Variants in MIER1 observed in about 807,000 individuals in gnomAD.
MIER1 encodes the protein mesoderm induction early response protein 1.
In MIER1, 40 loss-of-function variants were observed where a neutral mutation model predicts 75.7. The ratio of observed to expected loss-of-function variants is 0.53; its 90% CI spans 0.41 to 0.69. The LOEUF is 0.69. Among genes scored for constraint, MIER1 ranks in the 30% least tolerant of loss-of-function variants. The pLI is 0.00. For missense variants in MIER1, 574 were observed against 680.2 expected (o/e 0.84, Z 1.74); for synonymous variants, 213 against 223.4 (o/e 0.95, Z 0.42).
rs777195156 is a variant in MIER1 at position 66,976,731 on chromosome 1, A to AT, written c.1229+15dup. The AT allele has an allele frequency of 1.7e-5, 26 of 1,569,012 alleles. No individual in the cohort carries two copies. Among genetic ancestry groups the AT allele is most frequent in the East Asian group, 2.3e-5 (1 of 43,846 alleles). ...CTTCATCCTGGTGTAACGTGAGTTA[A>AT]TTTTTTCCTTAAGAGCTATATATAC... On this transcript the variant is annotated intron_variant, in intron 12 of 13. Coordinates refer to ENST00000401041, the MANE Select transcript of MIER1 (RefSeq NM_001077700.3).
At chr1:66,957,587 GTTT>G (rs770503779) in intron 4 of MIER1, among the ~76,000 whole-genome samples, 4 of 99,248 alleles carry the variant, frequency 4.0e-5, no homozygotes, top group African/African-American at 1.5e-4. Flanking sequence ...GTTTGTTTGT[GTTT>G]TTTTTTTTTT....
intron 2 of MIER1, among the ~76,000 whole-genome samples, chr1:66,927,564 C>G (rs768132624): frequency 3.3e-5 from 5 of 151,698 alleles, no homozygotes; most frequent in Admixed American, 1.3e-4. Context: ...TTTTTGTTAA[C>G]CCAAGTATAA....
chr1:66,943,238 C>G (rs1205883035), intron 3 of MIER1, among the ~76,000 whole-genome samples: 1 of 152,140 alleles, frequency 6.6e-6, no homozygotes. Flanking sequence ...GGACAGAAAA[C>G]TACACCTATA....
chr1:66,943,700 A>G (rs1358582813), intron 3 of MIER1, among the ~76,000 whole-genome samples: 2 of 152,136 alleles, frequency 1.3e-5, no homozygotes, highest in Admixed American at 6.6e-5. Context: ...GATTACAGAC[A>G]TGAGCCACTG....
Position 66,959,038 on chromosome 1 carries a change from A to G in MIER1, c.634+55A>G, listed in dbSNP as rs976491536. On this transcript the variant is annotated intron_variant, in intron 6 of 13. Coordinates refer to ENST00000401041, the MANE Select transcript of MIER1 (RefSeq NM_001077700.3). ...TATAATTTTTACTATTTTAGGTATT[A>G]CCTAAAATCCTCTTTTTTAAACTGG... is the stretch of plus-strand genomic sequence containing the variant. 3 of 1,452,214 alleles carry G rather than the reference A, an allele frequency of 2.1e-6. No individual in the cohort carries two copies. The African/African-American group carries it at 4.3e-5, about 21-fold the overall frequency. 90.0% of individuals were successfully genotyped at this position (1,452,214 alleles called of 1,614,324 possible). A position where few individuals can be genotyped will look rare whatever the true frequency, so the allele number is the denominator to read the frequency against.
At chr1:66,960,300 T>C (rs1013363636) in intron 7 of MIER1, among the ~76,000 whole-genome samples, 6 of 152,210 alleles carry the variant, frequency 3.9e-5, no homozygotes, top group Non-Finnish European at 8.8e-5. Flanking sequence ...TTGAATTTAA[T>C]GTTGACATTT....
intron 13 of MIER1, among the ~76,000 whole-genome samples, chr1:66,984,301 TCTTTA>T (rs1232737814): frequency 2.0e-5 from 3 of 152,368 alleles, no homozygotes; most frequent in Non-Finnish European, 4.4e-5. Flanking sequence ...TGTTCTTAGT[TCTTTA>T]CATTTATTAA....
intron 3 of MIER1, among the ~76,000 whole-genome samples, chr1:66,943,032 C>A (rs2101369274): frequency 6.6e-6 from 1 of 152,182 alleles, no homozygotes; most frequent in South Asian, 2.1e-4. Context: ...CAATTATATT[C>A]TGATTGGATA....
intron 12 of MIER1, among the ~76,000 whole-genome samples, chr1:66,978,195 C>A (rs1447946381): frequency 1.6e-5 from 2 of 127,302 alleles, no homozygotes; most frequent in African/African-American, 5.6e-5. Flanking sequence ...AACTCCATCT[C>A]CAAAAAAAAA....
At chr1:66,959,811 AT>A (rs35465377) in intron 7 of MIER1, 68 bp downstream of exon 7, 1,941 of 494,056 alleles carry the variant, frequency 3.9e-3, no homozygotes, top group Non-Finnish European at 4.8e-3. Context: ...TCGTGTAATT[AT>A]TTTTTTTTTT....
intron 2 of MIER1, chr1:66,932,639 C>T (rs1653718481): frequency 1.3e-5 from 2 of 152,010 alleles, no homozygotes; most frequent in African/African-American, 4.8e-5. Context: ...CTTTATGAAG[C>T]CAATATAAAA....
intron 3 of MIER1, among the ~76,000 whole-genome samples, chr1:66,941,415 G>T (rs1656181265): frequency 2.6e-5 from 4 of 151,788 alleles, no homozygotes; most frequent in Admixed American, 2.6e-4. Flanking sequence ...TTAGGACATG[G>T]AATTATTTCC....
intron 4 of MIER1, among the ~76,000 whole-genome samples, chr1:66,955,686 A>G (rs1659982369): frequency 6.6e-6 from 1 of 152,192 alleles, no homozygotes; most frequent in Non-Finnish European, 1.5e-5. Context: ...CAAATAAATA[A>G]TGAAACAAGC....
chr1:66,926,315 C>A, intron 2 of MIER1, 73 bp downstream of exon 2: 1 of 1,194,796 alleles, frequency 8.4e-7, no homozygotes, highest in Non-Finnish European at 1.2e-6. Context: ...GATTATATTA[C>A]TCTTCTTATA....
In MIER1 at chr1:66,985,366, T is replaced by C. The variant is rs1306827661; in HGVS notation, c.*466T>C. The C allele has an allele frequency of 8.1e-6, 8 of 985,040 alleles. No individual in the cohort carries two copies. The highest frequency in any genetic ancestry group is 6.0e-6 in the Non-Finnish European group (5 of 829,600). 61.0% of individuals were successfully genotyped at this position (985,040 alleles called of 1,614,324 possible). On this transcript the variant is annotated 3_prime_UTR_variant, in exon 14 of 14. Transcript: ENST00000401041. The stretch of plus-strand genomic sequence containing the variant: ...CTTGAAATGTCTTTAAAACAGACAT[T>C]TTTCTCACCAAACAGTTTGAGTATC...
intron 4 of MIER1, among the ~76,000 whole-genome samples, chr1:66,954,190 G>A (rs1455158537): frequency 6.6e-6 from 1 of 152,098 alleles, no homozygotes; most frequent in Non-Finnish European, 1.5e-5. Flanking sequence ...TGATAGCAGT[G>A]GATTCCCACA....
At chr1:66,949,378 C>G (rs1436500636) in intron 4 of MIER1, among the ~76,000 whole-genome samples, 1 of 152,016 alleles carries the variant, frequency 6.6e-6, no homozygotes, top group African/African-American at 2.4e-5. Context: ...TTTTTCTCTC[C>G]TATTCCTTTC....
chr1:66,971,127 T>C lies in MIER1; in HGVS notation c.924+168T>C, dbSNP rs184917667. Among the ~76,000 whole-genome samples, 8 of 152,236 alleles carry C rather than the reference T, an allele frequency of 5.3e-5. No individual in the cohort carries two copies. In the East Asian group the frequency reaches 1.5e-3, roughly 29 times the overall value. The stretch of plus-strand genomic sequence containing the variant: ...ATCCGTTGTTACCACAGTGACTTCA[T>C]TGGTGTGAAGCTCAAAAACGAAACA... On this transcript the variant is annotated intron_variant, in intron 9 of 13. Transcript: ENST00000401041.
rs1657599368 is a variant in MIER1 at position 66,946,204 on chromosome 1, T to G, written c.248T>G (p.Val83Gly). 6.2e-7 allele frequency: 1 copy of G among 1,612,100 alleles called. No individual in the cohort carries two copies. Among genetic ancestry groups the G allele is most frequent in the Non-Finnish European group, 8.5e-7 (1 of 1,179,502 alleles). ...HEFDPSADMLVHDFDDERTLE... is the reference protein window; with the variant it reads ...HEFDPSADMLGHDFDDERTLE... ...TTTGATCCATCAGCTGACATGCTGG[T>G]TCATGATTTTGATGATGAACGAACA... Residue 83 changes from valine to glycine, a missense_variant, in exon 4 of 14, where the codon GTT becomes GGT. By Grantham distance (109) the Val-to-Gly change is moderately radical. Transcript: ENST00000401041.
Sources: allele counts gnomAD v4.1 joint callset (sites outside exome capture counted in the v4.1 genomes callset), GRCh38; gene constraint gnomAD v4.1.1; transcripts MANE v1.5; gene names NCBI Gene and HGNC (gene_info 2026-07-23, HGNC 2026-07-21).